The following CEP112 variants were observed in gnomAD, a reference collection of about 807,000 sequenced individuals.
CEP112 encodes the protein centrosomal protein 112.
A neutral mutation model predicts 153.0 loss-of-function variants in CEP112; 127 were observed. That is an observed-to-expected ratio of 0.83 (90% CI 0.72 to 0.96). The LOEUF (loss-of-function observed/expected upper bound fraction) is 0.96. Ranked by LOEUF, CEP112 falls within the 40% of genes least tolerant of loss-of-function variation. The pLI, the probability that CEP112 is intolerant of heterozygous loss-of-function variation, is 0.00. For missense variants in CEP112, 1,089 were observed against 1,101.2 expected (o/e 0.99, Z 0.16); for synonymous variants, 358 against 374.4 (o/e 0.96, Z 0.51).
At chr17:65,821,834 G>A (rs1398103270) in intron 21 of CEP112, among the ~76,000 whole-genome samples, 1 of 151,400 alleles carries the variant, frequency 6.6e-6, no homozygotes, top group Non-Finnish European at 1.5e-5. Flanking sequence ...TTACAGGCAT[G>A]AGCCACCGTG....
At chr17:65,795,695 C>T (rs1296497419) in intron 21 of CEP112, among the ~76,000 whole-genome samples, 1 of 152,150 alleles carries the variant, frequency 6.6e-6, no homozygotes, top group East Asian at 1.9e-4. Context: ...ACCTGTAATC[C>T]CAGCTACTCA....
At chr17:66,139,424 T>G (rs1375438360) in intron 4 of CEP112, among the ~76,000 whole-genome samples, 2 of 151,974 alleles carry the variant, frequency 1.3e-5, no homozygotes, top group African/African-American at 4.8e-5. Context: ...AGCAACATAG[T>G]GAGCCTCATT....
At position 66,053,810 on chromosome 17, in the gene CEP112, G is replaced by T; in HGVS notation, c.1144C>A (p.Gln382Lys). Residue 382 changes from glutamine to lysine, a missense_variant, in exon 12 of 27, where the codon CAA becomes AAA. Coordinates refer to ENST00000535342, the MANE Select transcript of CEP112 (RefSeq NM_001199165.4). ...DLQKQHTENI[Q>K]ELLEDTNVRL... The stretch of plus-strand genomic sequence containing the variant: ...ACATTTGTATCCTCAAGCAATTCTT[G>T]AATGTTTTCAGTGTGTTGCTTTTGA... 1 of 1,612,788 alleles carries T rather than the reference G, an allele frequency of 6.2e-7. No homozygotes were observed.
Position 66,030,011 on chromosome 17 carries a change from T to C in CEP112, c.1231A>G (p.Lys411Glu). ...AQTQSTNHMI[K>E]ELEARVQQLT... ...TGCTGGACACGGGCCTCCAGTTCTTTGATCATGTGGTTCTAAAAGAACAGG... is the reference window on the plus strand; with the variant it reads ...TGCTGGACACGGGCCTCCAGTTCTTCGATCATGTGGTTCTAAAAGAACAGG... The change falls in exon 13 of 27, where the codon AAA (lysine) becomes GAA (glutamate). Residue 411 changes from lysine to glutamate, a missense_variant. Coordinates refer to ENST00000535342, the MANE Select transcript of CEP112 (RefSeq NM_001199165.4). 6.2e-7 allele frequency: 1 copy of C among 1,613,594 alleles called. No individual in the cohort carries two copies. Among genetic ancestry groups the C allele is most frequent in the Non-Finnish European group, 8.5e-7 (1 of 1,179,792 alleles).
intron 20 of CEP112, among the ~76,000 whole-genome samples, chr17:65,867,893 G>A (rs1431508905): frequency 6.6e-6 from 1 of 151,028 alleles, no homozygotes; most frequent in African/African-American, 2.4e-5. Flanking sequence ...TGAAGTAAAG[G>A]GGGAATGAAG....
At chr17:66,061,122 A>C (rs1238921199) in intron 11 of CEP112, among the ~76,000 whole-genome samples, 3 of 152,150 alleles carry the variant, frequency 2.0e-5, no homozygotes, top group Non-Finnish European at 2.9e-5. Context: ...TAGGCCAAGG[A>C]CCTAAATAGA....
intron 17 of CEP112, among the ~76,000 whole-genome samples, chr17:65,998,382 C>A (rs1249119380): frequency 1.0e-3 from 73 of 70,016 alleles, no homozygotes; most frequent in African/African-American, 1.3e-3. Context: ...GGCCTCGTCT[C>A]AAAAAAAAAA....
intron 6 of CEP112, among the ~76,000 whole-genome samples, chr17:66,114,203 T>C (rs1419329455): frequency 6.6e-6 from 1 of 152,226 alleles, no homozygotes; most frequent in Non-Finnish European, 1.5e-5. Flanking sequence ...AAATATGTAA[T>C]AACTTAGGCT....
chr17:66,139,602 T>C (rs2070596453), intron 4 of CEP112, among the ~76,000 whole-genome samples: 2 of 151,742 alleles, frequency 1.3e-5, no homozygotes, highest in South Asian at 4.2e-4. Flanking sequence ...AGTGAGAATC[T>C]ATCTCAAGAG....
At chr17:65,813,199 A>G (rs976436601) in intron 21 of CEP112, among the ~76,000 whole-genome samples, 5 of 152,194 alleles carry the variant, frequency 3.3e-5, no homozygotes, top group African/African-American at 1.2e-4. Context: ...GAAAAGGCAT[A>G]CTGAGAGGAT....
chr17:66,097,569 G>C (rs553591828), intron 6 of CEP112, among the ~76,000 whole-genome samples: 4 of 152,264 alleles, frequency 2.6e-5, no homozygotes, highest in South Asian at 4.1e-4. Flanking sequence ...AGCTCCTAAA[G>C]TATCCTATGT....
chr17:65,830,059 C>A (rs2057015410), intron 21 of CEP112, among the ~76,000 whole-genome samples: 1 of 152,066 alleles, frequency 6.6e-6, no homozygotes, highest in African/African-American at 2.4e-5. Flanking sequence ...TTATAAAAAA[C>A]AGATGCACTG....
intron 10 of CEP112, 21 bp from the exon 11 acceptor site, chr17:66,063,102 ATAGT>A: frequency 7.9e-7 from 1 of 1,271,470 alleles, no homozygotes. Context: ...TTTTGAAAAC[ATAGT>A]TAAACCAATT....
intron 24 of CEP112, among the ~76,000 whole-genome samples, chr17:65,653,403 G>A (rs2045886300): frequency 6.6e-6 from 1 of 152,182 alleles, no homozygotes; most frequent in Non-Finnish European, 1.5e-5. Flanking sequence ...TGAATGTCTG[G>A]CTTAGCAGAA....
chr17:65,648,812 A>T (rs1036051344), intron 24 of CEP112, among the ~76,000 whole-genome samples: 4 of 152,198 alleles, frequency 2.6e-5, no homozygotes, highest in African/African-American at 9.6e-5. Context: ...GCACTCTGGG[A>T]GGCCGAGGTG....
At chr17:65,866,749 C>T (rs1301132740) in intron 20 of CEP112, among the ~76,000 whole-genome samples, 1 of 152,092 alleles carries the variant, frequency 6.6e-6, no homozygotes, top group African/African-American at 2.4e-5. Context: ...AACCTGCCTG[C>T]AGAGAGGAGC....
intron 24 of CEP112, among the ~76,000 whole-genome samples, chr17:65,654,184 G>A (rs1419292718): frequency 6.6e-6 from 1 of 152,018 alleles, no homozygotes; most frequent in South Asian, 2.1e-4. Flanking sequence ...TCTTATTGGG[G>A]TTAAAGTATC....
At chr17:65,870,092 A>AAGAAAGAAAAGAAAG (rs2058621197) in intron 20 of CEP112, among the ~76,000 whole-genome samples, 2 of 151,928 alleles carry the variant, frequency 1.3e-5, no homozygotes, top group East Asian at 1.9e-4. Context: ...AAAAGAAAGA[A>AAGAAAGAAAAGAAAG]AGAGAAAATA....
intron 4 of CEP112, among the ~76,000 whole-genome samples, chr17:66,168,306 C>T (rs1229628487): frequency 6.6e-6 from 1 of 152,036 alleles, no homozygotes; most frequent in Non-Finnish European, 1.5e-5. Flanking sequence ...TATACACAAA[C>T]ACAAACGGAA....
Sources: gnomAD v4.1 joint callset for allele counts (sites outside exome capture counted in the v4.1 genomes callset) on GRCh38, gnomAD v4.1.1 for gene constraint, MANE v1.5 for transcripts, NCBI Gene and HGNC (gene_info 2026-07-23, HGNC 2026-07-21) for gene names.